The following BNIP5 variants were observed in gnomAD, a reference collection of about 807,000 sequenced individuals.
The protein encoded by BNIP5 is protein BNIP5.
BNIP5 carries 61 observed loss-of-function variants against 67.3 expected under a neutral mutation model. The ratio of observed to expected loss-of-function variants is 0.91; its 90% CI spans 0.74 to 1.12. The LOEUF is 1.12. Ranked by LOEUF, BNIP5 falls within the 50% of genes most tolerant of loss-of-function variation. The probability of loss-of-function intolerance (pLI) is 0.00; values close to 1 mark genes in which losing one functional copy is unlikely to be tolerated. For synonymous variants in BNIP5, 317 were observed against 319.0 expected (o/e 0.99, Z 0.07); for missense variants, 826 against 816.3 (o/e 1.01, Z -0.14).
Position 36,330,615 on chromosome 6 carries a change from C to CG in BNIP5, c.75dup (p.Gly26ArgfsTer29), listed in dbSNP as rs754292967. On this transcript the variant is annotated frameshift_variant, in exon 2 of 12. Transcript: ENST00000437635. LOFTEE classifies it high-confidence loss of function. ...CAGTCCCACGACTCCGAGCCTTTCCCGGGGGCCTGCGGCCTGTCCAGAGAC... is the reference window on the plus strand; with the variant it reads ...CAGTCCCACGACTCCGAGCCTTTCCCGGGGGGCCTGCGGCCTGTCCAGAGAC... 3.1e-6 allele frequency: 5 copies of CG among 1,609,846 alleles called. No homozygotes were observed. The highest frequency in any genetic ancestry group is 4.2e-6 in the Non-Finnish European group (5 of 1,179,976).
chr6:36,324,608 T>G (rs1307123986), intron 6 of BNIP5, among the ~76,000 whole-genome samples: 1 of 28,058 alleles, frequency 3.6e-5, no homozygotes, highest in Non-Finnish European at 6.8e-5. Context: ...TATATATATA[T>G]ATATATATAT....
intron 6 of BNIP5, 36 bp downstream of exon 6, chr6:36,325,247 G>A: frequency 6.2e-7 from 1 of 1,610,990 alleles, no homozygotes; most frequent in Non-Finnish European, 8.5e-7. Context: ...CAGAAGTTTT[G>A]CAAGGGGTGT....
At position 36,330,176 on chromosome 6, in the gene BNIP5, G is replaced by A; in HGVS notation, c.515C>T (p.Ala172Val). 1 of 1,614,024 alleles carries A rather than the reference G, an allele frequency of 6.2e-7. No individual in the cohort carries two copies. The highest frequency in any genetic ancestry group is 8.5e-7 in the Non-Finnish European group (1 of 1,180,038). Residue 172 changes from alanine (A) to valine (V), a missense_variant, in exon 2 of 12, where the codon GCT becomes GTT. Coordinates refer to ENST00000437635, the MANE Select transcript of BNIP5 (RefSeq NM_001010903.5). Reference sequence around the variant, plus strand: ...TCGGCCTCTGGCCTCCTGGTCTTGAGCTGCCTTAGTCACCTCGGCCGCGTG... The same window carrying A: ...TCGGCCTCTGGCCTCCTGGTCTTGAACTGCCTTAGTCACCTCGGCCGCGTG... ...KKHAAEVTKA[A>V]QDQEARGREE...
At position 36,336,882 on chromosome 6, in the gene BNIP5, G is replaced by A. The variant is rs1772026414; in HGVS notation, c.-175C>T. The stretch of plus-strand genomic sequence containing the variant: ...ACTACTTTGGTGCTGGCAATTTTCT[G>A]AGTGTCTCAGAAGATGCTTTGGCCG... On this transcript the variant is annotated 5_prime_UTR_variant, in exon 1 of 12. Transcript: ENST00000437635. 1 of 152,180 alleles carries A rather than the reference G, an allele frequency of 6.6e-6. No homozygotes were observed. Among genetic ancestry groups the A allele is most frequent in the African/African-American group, 2.4e-5 (1 of 41,424 alleles). 9.4% of individuals were successfully genotyped at this position (152,180 alleles called of 1,614,324 possible). A position where few individuals can be genotyped will look rare whatever the true frequency, so the allele number is the denominator to read the frequency against.
chr6:36,326,442 T>C, intron 5 of BNIP5, 68 bp downstream of exon 5: 2 of 1,593,314 alleles, frequency 1.3e-6, no homozygotes, highest in South Asian at 2.2e-5. Context: ...GTCAATTCCA[T>C]CCCCAGGGAA....
intron 5 of BNIP5, among the ~76,000 whole-genome samples, chr6:36,325,940 A>G (rs140610522): frequency 1.2e-4 from 18 of 152,296 alleles, no homozygotes; most frequent in African/African-American, 3.1e-4. Flanking sequence ...GTGGCCTTGA[A>G]CACATTGTTT....
chr6:36,322,740 T>C (rs1478617353), intron 8 of BNIP5, among the ~76,000 whole-genome samples: 1 of 152,218 alleles, frequency 6.6e-6, no homozygotes, highest in East Asian at 1.9e-4. Flanking sequence ...TCTGGGTCAC[T>C]TAGCCTGTCT....
At chr6:36,326,833 C>A in intron 4 of BNIP5, 80 bp from the exon 5 acceptor site, 1 of 1,588,910 alleles carries the variant, frequency 6.3e-7, no homozygotes, top group Non-Finnish European at 8.6e-7. Context: ...TGAAGAGCAG[C>A]CAAGCTGCAA....
rs1386991631 is a variant in BNIP5 at position 36,330,526 on chromosome 6, C to T, written c.165G>A (p.Trp55Ter). ...RKALHWTTSD[W>*]ARHSDSPAPS... ...GAGCTGGGCTGTCTGAATGTCTGGC[C>T]CAATCACTGGTCGTCCAGTGAAGCG... Residue 55 changes from tryptophan (W) to a stop codon, truncating the protein, a stop_gained, in exon 2 of 12, where the codon TGG becomes TGA. Coordinates refer to ENST00000437635, the MANE Select transcript of BNIP5 (RefSeq NM_001010903.5). LOFTEE classifies it high-confidence loss of function. 10 of 1,614,088 alleles carry T rather than the reference C, an allele frequency of 6.2e-6. No individual in the cohort carries two copies. Among genetic ancestry groups the T allele is most frequent in the Non-Finnish European group, 8.5e-6 (10 of 1,180,026 alleles).
chr6:36,329,849 G>A (rs1009632823), intron 2 of BNIP5, among the ~76,000 whole-genome samples: 3 of 149,530 alleles, frequency 2.0e-5, no homozygotes, highest in Non-Finnish European at 4.4e-5. Flanking sequence ...GAGAAAGAGA[G>A]AAAGAAAGGA....
Position 36,317,345 on chromosome 6 carries a change from A to G in BNIP5, c.*11T>C. The G allele has an allele frequency of 1.2e-6, 2 of 1,612,010 alleles. No homozygotes were observed. The highest frequency in any genetic ancestry group is 1.1e-5 in the South Asian group (1 of 91,044). On this transcript the variant is annotated 3_prime_UTR_variant, in exon 12 of 12. Transcript: ENST00000437635. Reference sequence around the variant, plus strand: ...GCTAGTTCAAGGGAATTTGAGTGCAAGACACAGCTTTCAATCTGGACTTTC... The same window carrying G: ...GCTAGTTCAAGGGAATTTGAGTGCAGGACACAGCTTTCAATCTGGACTTTC...
intron 2 of BNIP5, among the ~76,000 whole-genome samples, chr6:36,329,298 A>G (rs1398463892): frequency 1.3e-5 from 2 of 152,198 alleles, no homozygotes; most frequent in African/African-American, 4.8e-5. Context: ...CTAAAACTAT[A>G]GGAGTTGGCA....
In BNIP5 at chr6:36,325,146, G is replaced by A. The variant is rs1771732147; in HGVS notation, c.1168+137C>T. The A allele has an allele frequency of 5.4e-6, 5 of 931,622 alleles. 1 individual carries two copies. The South Asian group carries it at 6.2e-5, about 12-fold the overall frequency. 57.7% of individuals were successfully genotyped at this position (931,622 alleles called of 1,614,324 possible). On this transcript the variant is annotated intron_variant, in intron 6 of 11. Coordinates refer to ENST00000437635, the MANE Select transcript of BNIP5 (RefSeq NM_001010903.5). ...GGGCCTGGGCTCTGGGCCCCAAGCT[G>A]CCTCCCCAGCCTGCTGTACTCAGAG...
Position 36,328,713 on chromosome 6 carries a change from A to G in BNIP5, c.612T>C (p.Gly204=), listed in dbSNP as rs1178416715. ...AGGACTGGTGATCAGAATCTTCCCC[A>G]CCTGGAATAGAGACGAAAGCAAACG... ...GEADLGPARR[G]GEDSDHQSFL... Residue 204 remains glycine, a splice_region_variant and synonymous_variant, in exon 3 of 12, where the codon GGT becomes GGC. Transcript: ENST00000437635. 1 of 1,606,964 alleles carries G rather than the reference A, an allele frequency of 6.2e-7. No individual in the cohort carries two copies. Among genetic ancestry groups the G allele is most frequent in the East Asian group, 2.2e-5 (1 of 44,830 alleles).
At chr6:36,335,135 G>C (rs1010845783) in intron 1 of BNIP5, among the ~76,000 whole-genome samples, 1 of 152,210 alleles carries the variant, frequency 6.6e-6, no homozygotes, top group African/African-American at 2.4e-5. Context: ...CCCTGGAACG[G>C]GAAGTTTGCT....
intron 9 of BNIP5, among the ~76,000 whole-genome samples, 189 bp downstream of exon 9, chr6:36,322,122 A>T (rs563360976): frequency 1.8e-4 from 28 of 152,088 alleles, no homozygotes; most frequent in Non-Finnish European, 3.5e-4. Context: ...TCTACCTGCA[A>T]CTCTGCCCCA....
intron 3 of BNIP5, 99 bp downstream of exon 3, chr6:36,328,499 C>T: frequency 2.7e-6 from 2 of 754,636 alleles, no homozygotes; most frequent in Non-Finnish European, 4.7e-6. Context: ...TTTTGAGAAC[C>T]ACCATCCAAG....
At chr6:36,323,583 A>T (rs1771686595) in intron 7 of BNIP5, 50 bp from the exon 8 acceptor site, 1 of 1,606,142 alleles carries the variant, frequency 6.2e-7, no homozygotes, top group East Asian at 2.2e-5. Context: ...CCTTGAGGAG[A>T]TCTCAGGTGA....
intron 1 of BNIP5, among the ~76,000 whole-genome samples, chr6:36,333,696 T>A (rs1226421894): frequency 6.6e-6 from 1 of 152,244 alleles, no homozygotes; most frequent in East Asian, 1.9e-4. Flanking sequence ...AATGTCCCAT[T>A]CCCCTGCATC....
Sources: allele counts gnomAD v4.1 joint callset (sites outside exome capture counted in the v4.1 genomes callset), GRCh38; gene constraint gnomAD v4.1.1; transcripts MANE v1.5; gene names NCBI Gene and HGNC (gene_info 2026-07-23, HGNC 2026-07-21).